SPATA7: variants seen among roughly 807,000 people sequenced by gnomAD.
SPATA7 encodes spermatogenesis-associated protein 7.
A neutral mutation model predicts 51.8 loss-of-function variants in SPATA7; 43 were observed. The observed-to-expected ratio is 0.83, with a 90% CI of 0.65 to 1.07. The LOEUF (loss-of-function observed/expected upper bound fraction) is 1.07. SPATA7 is among the 50% of genes least tolerant of loss of function. SPATA7 has a pLI of 0.00. For missense variants in SPATA7, 683 were observed against 701.3 expected, an observed-to-expected ratio of 0.97 and a Z score of 0.30; for synonymous variants, 230 against 252.8, an observed-to-expected ratio of 0.91 and a Z score of 0.86.
At chr14:88,411,282 G>A (rs942220517) in intron 4 of SPATA7, among the ~76,000 whole-genome samples, 9 of 152,172 alleles carry the variant, frequency 5.9e-5, no homozygotes, top group South Asian at 2.1e-4. Flanking sequence ...AGAATTTCAC[G>A]CCAGTGGATC....
At chr14:88,393,531 C>T (rs1184789046) in intron 3 of SPATA7, 43 bp downstream of exon 3, 2 of 1,355,734 alleles carry the variant, frequency 1.5e-6, no homozygotes, top group African/African-American at 1.4e-5. Flanking sequence ...CAATTTAAAC[C>T]TCCAGCTTCA....
intron 3 of SPATA7, among the ~76,000 whole-genome samples, chr14:88,452,251 C>G (rs1312042359): frequency 1.3e-5 from 2 of 152,138 alleles, no homozygotes. Flanking sequence ...GGAGTGTCTG[C>G]AAAGAGTCCT....
At chr14:88,468,982 A>AG in intron 4 of SPATA7, 1 of 1,614,146 alleles carries the variant, frequency 6.2e-7, no homozygotes, top group South Asian at 1.1e-5. Flanking sequence ...TTCCTACCCC[A>AG]GCACTGCAGT....
chr14:88,434,705 AAAAG>A (rs943721811), intron 10 of SPATA7, among the ~76,000 whole-genome samples: 9 of 151,766 alleles, frequency 5.9e-5, no homozygotes, highest in Non-Finnish European at 1.2e-4. Flanking sequence ...AAAAAAAAGA[AAAAG>A]AAAAAAGAAA....
At chr14:88,458,343 C>A (rs1194747078), downstream of SPATA7, among the ~76,000 whole-genome samples, 3 of 152,190 alleles carry the variant, frequency 2.0e-5, no homozygotes, top group Non-Finnish European at 4.4e-5. Context: ...GGCTGTGAAT[C>A]CATCTGGTCC....
intron 4 of SPATA7, among the ~76,000 whole-genome samples, chr14:88,410,393 T>G (rs1444874578): frequency 6.6e-6 from 1 of 152,190 alleles, no homozygotes; most frequent in Non-Finnish European, 1.5e-5. Flanking sequence ...GTCTGTTTTT[T>G]TCAGAGACTA....
chr14:88,449,399 C>T (rs2077235603), intron 3 of SPATA7, among the ~76,000 whole-genome samples: 1 of 152,064 alleles, frequency 6.6e-6, no homozygotes, highest in Non-Finnish European at 1.5e-5. Context: ...GTTCCTTTTG[C>T]AGTTGGTTTC....
At chr14:88,411,775 G>A (rs59638188) in intron 4 of SPATA7, among the ~76,000 whole-genome samples, 5,361 of 152,128 alleles carry the variant, frequency 0.035, 311 homozygotes, top group African/African-American at 0.12. Context: ...ACCCAGGTTG[G>A]TTCCATATCT....
intron 5 of SPATA7, among the ~76,000 whole-genome samples, chr14:88,420,521 C>CT (rs2139975678): frequency 6.6e-6 from 1 of 152,252 alleles, no homozygotes; most frequent in South Asian, 2.1e-4. Context: ...CTTTCCATCT[C>CT]TATCTCTCAG....
At position 88,452,726 on chromosome 14, in the gene SPATA7, T is replaced by A. The variant is rs534060396; in HGVS notation, c.178-2334T>A. On this transcript the variant is annotated intron_variant, in intron 3 of 3. Coordinates refer to the SPATA7 transcript ENST00000554802. ...TTCCCTCCAGTATACCCCCTGCTGC[T>A]AGTATTTTTAAACAAACCATGCCAC... 1.8e-4 allele frequency among the ~76,000 whole-genome samples: 28 copies of A among 152,286 alleles called. 1 individual carries two copies. In the South Asian group the frequency reaches 5.8e-3, roughly 32 times the overall value.
At chr14:88,440,496 T>G (rs1249723720), downstream of SPATA7, among the ~76,000 whole-genome samples, 1 of 152,212 alleles carries the variant, frequency 6.6e-6, no homozygotes, top group East Asian at 1.9e-4. Flanking sequence ...GTGGTAAGTT[T>G]GGGAAACAGC....
rs142577410 is a variant in SPATA7, at chr14:88,460,694, C to G, written c.255-9153C>G. 1.5e-3 allele frequency among the ~76,000 whole-genome samples: 221 copies of G among 152,266 alleles called. 2 individuals carry two copies. The highest frequency in any genetic ancestry group is 4.8e-3 in the African/African-American group (199 of 41,556). On this transcript the variant is annotated intron_variant, in intron 4 of 4. Coordinates refer to the SPATA7 transcript ENST00000556406. Reference sequence around the variant, plus strand: ...TCAGAGAAGTTTGATCGTCTGAAGCCTTCTTCTCTCAACTTGTCAAAGTCA... The same window carrying G: ...TCAGAGAAGTTTGATCGTCTGAAGCGTTCTTCTCTCAACTTGTCAAAGTCA...
chr14:88,450,423 A>G (rs1479093847), intron 3 of SPATA7, among the ~76,000 whole-genome samples: 2 of 151,760 alleles, frequency 1.3e-5, no homozygotes, highest in African/African-American at 4.8e-5. Context: ...TGCTTTAAGG[A>G]TATTCTATTT....
chr14:88,386,700 G>C (rs1378265305), intron 1 of SPATA7, among the ~76,000 whole-genome samples: 1 of 151,952 alleles, frequency 6.6e-6, no homozygotes, highest in East Asian at 1.9e-4. Flanking sequence ...TTCTTTCCTC[G>C]AGTCAAATGA....
At chr14:88,433,047 A>T (rs1351504078) in intron 9 of SPATA7, 88 bp from the exon 10 acceptor site, 1 of 960,160 alleles carries the variant, frequency 1.0e-6, no homozygotes, top group African/African-American at 1.6e-5. Context: ...GTAGAGATAG[A>T]TATTTCTAAT....
At chr14:88,408,089 G>A (rs1329744204) in intron 4 of SPATA7, among the ~76,000 whole-genome samples, 1 of 151,962 alleles carries the variant, frequency 6.6e-6, no homozygotes, top group Admixed American at 6.6e-5. Flanking sequence ...TTGGATATAC[G>A]GGCCCTTTTT....
intron 9 of SPATA7, 22 bp from the exon 10 acceptor site, chr14:88,433,113 A>G (rs373293330): frequency 4.4e-6 from 7 of 1,579,842 alleles, no homozygotes; most frequent in Admixed American, 1.7e-5. Flanking sequence ...TTTTTATGCT[A>G]TATATTGCCT....
intron 1 of SPATA7, among the ~76,000 whole-genome samples, chr14:88,390,310 A>G (rs553542758): frequency 5.3e-5 from 8 of 152,056 alleles, no homozygotes; most frequent in Non-Finnish European, 1.2e-4. Flanking sequence ...AAGAGCTTCA[A>G]ACATGGTTGG....
At position 88,469,481 on chromosome 14, in the gene SPATA7, A is replaced by G. The variant is rs373683036; in HGVS notation, c.255-366A>G. 73 of 1,586,032 alleles carry G rather than the reference A, an allele frequency of 4.6e-5. No individual in the cohort carries two copies. In the Middle Eastern group the frequency reaches 2.0e-3, roughly 43 times the overall value. On this transcript the variant is annotated intron_variant, in intron 4 of 4. Transcript: ENST00000556406. The surrounding 1 kb of genome is among the most constrained non-coding windows in gnomAD (Gnocchi z 4.3). The stretch of plus-strand genomic sequence containing the variant: ...CTCCAGAGGCAGCTGTCCTCGGAAC[A>G]AAGTTAAAGTCACTCACATAAAAAT...
Sources: gnomAD v4.1 joint callset for allele counts (sites outside exome capture counted in the v4.1 genomes callset) on GRCh38, gnomAD v4.1.1 for gene constraint, Gnocchi (gnomAD v3.1) non-coding constraint, MANE v1.5 for transcripts, NCBI Gene and HGNC (gene_info 2026-07-23, HGNC 2026-07-21) for gene names.